SHISA9: variants seen among roughly 807,000 people sequenced by gnomAD.
SHISA9 encodes the protein shisa family member 9.
A neutral mutation model predicts 38.0 loss-of-function variants in SHISA9; 13 were observed. That is an observed-to-expected ratio of 0.34 (90% CI 0.22 to 0.54). The LOEUF (loss-of-function observed/expected upper bound fraction) is 0.54, where lower values mean the gene tolerates loss of function less well. Among genes scored for constraint, SHISA9 ranks in the 20% least tolerant of loss-of-function variants. SHISA9 has a pLI of 0.91. For synonymous variants in SHISA9, 275 were observed against 242.0 expected (o/e 1.14, Z -1.27); for missense variants, 538 against 575.8 (o/e 0.93, Z 0.67).
the SHISA9 span, among the ~76,000 whole-genome samples, chr16:13,312,246 G>C: frequency 6.6e-6 from 1 of 152,190 alleles, no homozygotes; most frequent in Non-Finnish European, 1.5e-5. Context: ...AATGGGTGTG[G>C]TCTTGTTTCA....
chr16:12,911,307 C>A (rs2071180290), intron 1 of SHISA9: 10 of 985,292 alleles, frequency 1.0e-5, no homozygotes, highest in Non-Finnish European at 1.1e-5. Context: ...ACGCCAAATT[C>A]TTAGGCATTT....
chr16:12,997,988 A>G (rs921017071), intron 2 of SHISA9, among the ~76,000 whole-genome samples: 8 of 152,234 alleles, frequency 5.3e-5, no homozygotes, highest in African/African-American at 1.9e-4. Context: ...GTGTTTGATT[A>G]TGTCTCTTCC....
chr16:12,972,170 G>T (rs569416402), intron 2 of SHISA9, among the ~76,000 whole-genome samples: 38 of 151,960 alleles, frequency 2.5e-4, no homozygotes, highest in African/African-American at 8.7e-4. Flanking sequence ...CATTTCCAAT[G>T]GTTGTAAGCA....
the SHISA9 span, among the ~76,000 whole-genome samples, chr16:13,358,912 GA>G: frequency 6.6e-6 from 1 of 152,182 alleles, no homozygotes; most frequent in Non-Finnish European, 1.5e-5. Context: ...AGGAATACAG[GA>G]AAAGACCTCA....
chr16:13,515,472 A>G, the SHISA9 span, among the ~76,000 whole-genome samples: 1 of 152,226 alleles, frequency 6.6e-6, no homozygotes, highest in East Asian at 1.9e-4. Flanking sequence ...ACTCACAAAG[A>G]TCTGTTATGT....
At chr16:13,082,430 T>C (rs1416717865) in intron 2 of SHISA9, 2 of 152,166 alleles carry the variant, frequency 1.3e-5, no homozygotes, top group African/African-American at 4.8e-5. Context: ...TATGCTCTTT[T>C]CTTCTGGTCT....
At chr16:13,158,862 C>G (rs1038184890) in intron 2 of SHISA9, among the ~76,000 whole-genome samples, 13 of 148,808 alleles carry the variant, frequency 8.7e-5, no homozygotes, top group Non-Finnish European at 1.6e-4. Context: ...CGAGACCATC[C>G]TGGCCAACAT....
chr16:13,157,240 A>G (rs1596688713), intron 2 of SHISA9, among the ~76,000 whole-genome samples: 1 of 152,314 alleles, frequency 6.6e-6, no homozygotes, highest in East Asian at 1.9e-4. Context: ...GATTTGAATC[A>G]ACCCTTTCAG....
the SHISA9 span, among the ~76,000 whole-genome samples, chr16:13,426,192 TG>T: frequency 6.6e-6 from 1 of 152,336 alleles, no homozygotes. Context: ...TGCCGTTTAT[TG>T]GGAGCTTACT....
the SHISA9 span, among the ~76,000 whole-genome samples, chr16:13,437,098 G>A: frequency 9.9e-5 from 15 of 152,086 alleles, no homozygotes; most frequent in Admixed American, 3.3e-4. Context: ...GGCACATTAC[G>A]GGAGCTGCAA....
At chr16:13,305,539 G>T in the SHISA9 span, among the ~76,000 whole-genome samples, 2 of 152,136 alleles carry the variant, frequency 1.3e-5, no homozygotes, top group African/African-American at 4.8e-5. Flanking sequence ...TGCTTGCTCT[G>T]CTGGAATCCA....
intron 2 of SHISA9, among the ~76,000 whole-genome samples, chr16:12,944,547 A>G (rs1287964128): frequency 6.6e-6 from 1 of 152,116 alleles, no homozygotes; most frequent in African/African-American, 2.4e-5. Context: ...ACCTGCAGGG[A>G]GAGACTGGAT....
intron 3 of SHISA9, among the ~76,000 whole-genome samples, chr16:13,212,044 CG>C (rs1216497580): frequency 1.3e-5 from 2 of 152,060 alleles, no homozygotes; most frequent in Admixed American, 6.6e-5. Flanking sequence ...TTCAGATCCA[CG>C]GGGGGGATGT....
At chr16:13,459,837 A>T in the SHISA9 span, among the ~76,000 whole-genome samples, 1 of 152,208 alleles carries the variant, frequency 6.6e-6, no homozygotes, top group Non-Finnish European at 1.5e-5. Context: ...CCTTGAGATA[A>T]GGGGTATGGG....
At chr16:13,476,484 C>T in the SHISA9 span, among the ~76,000 whole-genome samples, 1 of 152,144 alleles carries the variant, frequency 6.6e-6, no homozygotes, top group Non-Finnish European at 1.5e-5. Flanking sequence ...GTAACAGGAC[C>T]TAGACTGAAC....
chr16:13,424,577 G>T, the SHISA9 span, among the ~76,000 whole-genome samples: 1 of 152,198 alleles, frequency 6.6e-6, no homozygotes, highest in Non-Finnish European at 1.5e-5. Context: ...TACTCCTTAA[G>T]TCCAAATCAT....
At chr16:13,166,411 T>G (rs924176134) in intron 2 of SHISA9, among the ~76,000 whole-genome samples, 2 of 152,214 alleles carry the variant, frequency 1.3e-5, no homozygotes, top group African/African-American at 4.8e-5. Context: ...TCCTCTTTGC[T>G]TTAGGATGAA....
At chr16:13,295,183 C>T in the SHISA9 span, among the ~76,000 whole-genome samples, 1 of 152,120 alleles carries the variant, frequency 6.6e-6, no homozygotes, top group African/African-American at 2.4e-5. Flanking sequence ...TGCATTGAAC[C>T]ATTCAAGTTT....
intron 2 of SHISA9, among the ~76,000 whole-genome samples, chr16:12,936,062 T>C (rs180757820): frequency 1.4e-4 from 21 of 152,180 alleles, no homozygotes; most frequent in Admixed American, 5.2e-4. Context: ...GAAGTCCAGG[T>C]AAGGGAATTT....
Sources: allele counts gnomAD v4.1 joint callset (sites outside exome capture counted in the v4.1 genomes callset), GRCh38; gene constraint gnomAD v4.1.1; transcripts MANE v1.5; gene names NCBI Gene and HGNC (gene_info 2026-07-23, HGNC 2026-07-21).